Variants in MSRA observed in about 807,000 individuals in gnomAD.
MSRA encodes the protein methionine sulfoxide reductase A.
A neutral mutation model predicts 31.3 loss-of-function variants in MSRA; 54 were observed. The ratio of observed to expected loss-of-function variants is 1.73; its 90% CI spans 1.39 to 2.17. MSRA has a LOEUF of 2.17. MSRA is among the 30% of genes most tolerant of loss of function. The probability of loss-of-function intolerance (pLI) is 0.00; values close to 1 mark genes in which losing one functional copy is unlikely to be tolerated. For synonymous variants in MSRA, 169 were observed against 116.5 expected, an observed-to-expected ratio of 1.45 and a Z score of -2.90; for missense variants, 507 against 300.9, an observed-to-expected ratio of 1.69 and a Z score of -5.07.
chr8:10,418,026 C>T (rs779424149), intron 5 of MSRA, among the ~76,000 whole-genome samples: 1 of 152,110 alleles, frequency 6.6e-6, no homozygotes, highest in Admixed American at 6.5e-5. Context: ...TCAAGTTGAC[C>T]TCTTAGAAGC....
chr8:10,104,505 C>T (rs1051768078), intron 1 of MSRA, among the ~76,000 whole-genome samples: 1 of 151,998 alleles, frequency 6.6e-6, no homozygotes, highest in Admixed American at 6.6e-5. Context: ...TCAGGGGCTT[C>T]TAGGTCATAG....
chr8:10,325,358 C>G (rs140588310), intron 5 of MSRA, among the ~76,000 whole-genome samples: 123 of 151,892 alleles, frequency 8.1e-4, no homozygotes, highest in African/African-American at 2.6e-3. Context: ...TAATATATAG[C>G]TATATAATAA....
At chr8:10,228,720 C>T (rs969400226) in intron 2 of MSRA, among the ~76,000 whole-genome samples, 1 of 152,178 alleles carries the variant, frequency 6.6e-6, no homozygotes, top group African/African-American at 2.4e-5. Context: ...TGTCTTTGGG[C>T]AAGTGGCCTA....
At chr8:10,088,595 T>A (rs763475191) in intron 1 of MSRA, among the ~76,000 whole-genome samples, 2 of 151,930 alleles carry the variant, frequency 1.3e-5, no homozygotes, top group African/African-American at 2.4e-5. Flanking sequence ...ATTAGCTGAG[T>A]GTGGTGGCTG....
intron 1 of MSRA, among the ~76,000 whole-genome samples, chr8:10,189,560 A>G (rs1203080146): frequency 6.6e-6 from 1 of 152,304 alleles, no homozygotes. Flanking sequence ...ATTGAATTGT[A>G]TCAAATGCTT....
At chr8:10,094,363 TAGATA>T (rs1318864366) in intron 1 of MSRA, among the ~76,000 whole-genome samples, 1 of 152,250 alleles carries the variant, frequency 6.6e-6, no homozygotes, top group African/African-American at 2.4e-5. Flanking sequence ...TGAGTTTTCT[TAGATA>T]AATGACACAT....
At chr8:10,061,613 C>G (rs1253199949) in intron 1 of MSRA, among the ~76,000 whole-genome samples, 1 of 152,030 alleles carries the variant, frequency 6.6e-6, no homozygotes, top group Non-Finnish European at 1.5e-5. Flanking sequence ...AGCACTTCAC[C>G]AAGAGTGCAG....
intron 5 of MSRA, among the ~76,000 whole-genome samples, chr8:10,334,220 G>T (rs1331950798): frequency 1.3e-5 from 2 of 151,036 alleles, no homozygotes; most frequent in African/African-American, 4.9e-5. Context: ...GTGTGTCTGG[G>T]TATATATACA....
chr8:10,257,863 T>C (rs1464842715), intron 3 of MSRA, among the ~76,000 whole-genome samples: 1 of 152,220 alleles, frequency 6.6e-6, no homozygotes, highest in African/African-American at 2.4e-5. Flanking sequence ...ATGGGACTGA[T>C]GTCTCCAGCC....
chr8:10,399,186 G>A (rs1807287548), intron 5 of MSRA, among the ~76,000 whole-genome samples: 1 of 152,188 alleles, frequency 6.6e-6, no homozygotes, highest in Non-Finnish European at 1.5e-5. Flanking sequence ...GGTACGTGTT[G>A]GGTGCAAAGG....
rs748995884 is a variant in MSRA at position 10,301,608 on chromosome 8, G to A, written c.406G>A (p.Val136Ile). The change falls in exon 4 of 6, where the codon GTC becomes ATC. Residue 136 changes from valine to isoleucine, a missense_variant. By Grantham distance (29) the Val-to-Ile change is conservative. Transcript: ENST00000317173. ...EHMSFEELLK[V>I]FWENHDPTQG... ...CATGAGTTTTGAGGAACTGCTCAAG[G>A]TCTTCTGGGAGAATCACGACCCGAC... The A allele has an allele frequency of 1.9e-6, 3 of 1,614,130 alleles. No individual in the cohort carries two copies. Among genetic ancestry groups the A allele is most frequent in the Admixed American group, 1.7e-5 (1 of 60,018 alleles).
At chr8:10,154,449 C>T (rs939438266) in intron 1 of MSRA, among the ~76,000 whole-genome samples, 1 of 152,084 alleles carries the variant, frequency 6.6e-6, no homozygotes, top group Non-Finnish European at 1.5e-5. Context: ...ACAATCTCGG[C>T]TCACTGCAAG....
In MSRA at chr8:10,054,473, G is replaced by C; in HGVS notation, c.-44G>C. ...CCGTTCCGGCTGCGGCTCCGCTGCC[G>C]GTAGCGCCGTCCCCCGGGACCACCC... On this transcript the variant is annotated 5_prime_UTR_variant, in exon 1 of 6. Coordinates refer to ENST00000317173, the MANE Select transcript of MSRA (RefSeq NM_012331.5). 2.0e-6 allele frequency: 3 copies of C among 1,493,914 alleles called. No individual in the cohort carries two copies. The highest frequency in any genetic ancestry group is 2.7e-6 in the Non-Finnish European group (3 of 1,113,918). 92.5% of individuals were successfully genotyped at this position (1,493,914 alleles called of 1,614,324 possible). A position where few individuals can be genotyped will look rare whatever the true frequency, so the allele number is the denominator to read the frequency against.
rs1406256834 is a variant in MSRA at position 10,279,929 on chromosome 8, G to T, written c.332-21605G>T. On this transcript the variant is annotated intron_variant, in intron 3 of 5. Transcript: ENST00000317173. The stretch of plus-strand genomic sequence containing the variant: ...GGCAAATCTGTTTCTTGGATATTCT[G>T]TTGAATTTACCTCTAAAGACAACTA... Among the ~76,000 whole-genome samples, 4 of 152,166 alleles carry T rather than the reference G, an allele frequency of 2.6e-5. No homozygotes were observed. In the East Asian group the frequency reaches 5.8e-4, roughly 22 times the overall value.
chr8:10,069,411 T>TG (rs1797619934), intron 1 of MSRA, among the ~76,000 whole-genome samples: 1 of 152,238 alleles, frequency 6.6e-6, no homozygotes, highest in Non-Finnish European at 1.5e-5. Context: ...AATAGATGTT[T>TG]GTCCTCGTCC....
chr8:10,262,651 G>A (rs1798542984), intron 3 of MSRA, among the ~76,000 whole-genome samples: 1 of 152,124 alleles, frequency 6.6e-6, no homozygotes, highest in Admixed American at 6.6e-5. Context: ...CCAGTCTGTG[G>A]CTTGCCTTTT....
intron 5 of MSRA, among the ~76,000 whole-genome samples, chr8:10,391,264 C>A (rs1227533817): frequency 1.3e-5 from 2 of 152,174 alleles, no homozygotes; most frequent in African/African-American, 4.8e-5. Context: ...CATTGCTACA[C>A]CTGCTGAAGA....
At chr8:10,238,548 A>G (rs1812142380) in intron 2 of MSRA, among the ~76,000 whole-genome samples, 3 of 152,246 alleles carry the variant, frequency 2.0e-5, no homozygotes, top group Admixed American at 2.0e-4. Context: ...ATGAAAAAAC[A>G]GTATAGGATT....
At chr8:10,199,844 G>T (rs1308733790) in intron 1 of MSRA, among the ~76,000 whole-genome samples, 1 of 152,296 alleles carries the variant, frequency 6.6e-6, no homozygotes, top group Admixed American at 6.5e-5. Flanking sequence ...CTTGAGTGTA[G>T]GATCTGTGAA....
Sources: gnomAD v4.1 joint callset for allele counts (sites outside exome capture counted in the v4.1 genomes callset) on GRCh38, gnomAD v4.1.1 for gene constraint, MANE v1.5 for transcripts, NCBI Gene and HGNC (gene_info 2026-07-23, HGNC 2026-07-21) for gene names.